The following SATB2 variants were observed in gnomAD, a reference collection of about 807,000 sequenced individuals.
SATB2 encodes SATB homeobox 2.
SATB2 carries 1 observed loss-of-function variant against 73.4 expected under a neutral mutation model. The ratio of observed to expected loss-of-function variants is 0.01; its 90% confidence interval spans 0.00 to 0.06. The LOEUF (loss-of-function observed/expected upper bound fraction) is 0.06, where lower values mean the gene tolerates loss of function less well. Ranked by LOEUF, SATB2 falls within the 10% of genes least tolerant of loss-of-function variation. SATB2 has a pLI of 1.00. For missense variants in SATB2, 459 were observed against 945.8 expected, an observed-to-expected ratio of 0.49 and a Z score of 6.75; for synonymous variants, 397 against 367.0, an observed-to-expected ratio of 1.08 and a Z score of -0.93.
chr2:199,349,912 A>C (rs867128920), intron 6 of SATB2, among the ~76,000 whole-genome samples: 12 of 152,162 alleles, frequency 7.9e-5, no homozygotes, highest in Non-Finnish European at 4.4e-5. Context: ...AAAAGTAAGT[A>C]TCATATATAT....
At chr2:199,442,812 T>C (rs1691857725) in intron 2 of SATB2, among the ~76,000 whole-genome samples, 1 of 152,124 alleles carries the variant, frequency 6.6e-6, no homozygotes, top group South Asian at 2.1e-4. Flanking sequence ...AGTTTGAATA[T>C]AACAGAAAAG....
At chr2:199,443,794 T>C (rs1476361560) in intron 2 of SATB2, among the ~76,000 whole-genome samples, 1 of 151,704 alleles carries the variant, frequency 6.6e-6, no homozygotes, top group Non-Finnish European at 1.5e-5. Flanking sequence ...ACCAAGCTGG[T>C]GAAAGGGCTA....
intron 7 of SATB2, among the ~76,000 whole-genome samples, chr2:199,344,349 T>C (rs1688590664): frequency 6.6e-6 from 1 of 152,096 alleles, no homozygotes; most frequent in Non-Finnish European, 1.5e-5. Context: ...TGCAACAGAC[T>C]TTCTCAAAAG....
intron 3 of SATB2, among the ~76,000 whole-genome samples, chr2:199,383,588 T>TG (rs993414364): frequency 2.0e-5 from 3 of 151,992 alleles, no homozygotes; most frequent in Non-Finnish European, 2.9e-5. Context: ...TATGACAGAA[T>TG]GGGGGGGAAT....
intron 2 of SATB2, among the ~76,000 whole-genome samples, chr2:199,446,591 T>C (rs922467506): frequency 6.6e-6 from 1 of 152,188 alleles, no homozygotes; most frequent in East Asian, 1.9e-4. Context: ...GTTTAAATTA[T>C]AAAGTCCAGA....
chr2:199,327,232 G>C (rs1688054539), intron 8 of SATB2, among the ~76,000 whole-genome samples: 1 of 152,148 alleles, frequency 6.6e-6, no homozygotes, highest in South Asian at 2.1e-4. Flanking sequence ...TTGAGGTCAG[G>C]AGTTCGAGAC....
chr2:199,282,363 TA>T (rs201811342), intron 10 of SATB2, among the ~76,000 whole-genome samples: 32 of 151,864 alleles, frequency 2.1e-4, no homozygotes, highest in African/African-American at 6.8e-4. Flanking sequence ...CTTTTCTGTG[TA>T]AAAAAAAATT....
chr2:199,305,805 T>C (rs753037142), intron 10 of SATB2, among the ~76,000 whole-genome samples: 1 of 152,154 alleles, frequency 6.6e-6, no homozygotes, highest in Non-Finnish European at 1.5e-5. Context: ...CTTTACCATA[T>C]ATGAAAAATT....
intron 10 of SATB2, among the ~76,000 whole-genome samples, chr2:199,282,855 T>A (rs1692567749): frequency 6.6e-6 from 1 of 152,190 alleles, no homozygotes; most frequent in African/African-American, 2.4e-5. Context: ...TCTTTGTACT[T>A]AAAATGGCAC....
chr2:199,290,422 T>C lies in SATB2; in HGVS notation c.1741-17750A>G, dbSNP rs552307617. On this transcript the variant is annotated intron_variant, in intron 10 of 10. Coordinates refer to ENST00000417098, the MANE Select transcript of SATB2 (RefSeq NM_001172509.2). ...CAAGGCACTGTGCTTTGAATGAATA[T>C]ATACGTCTACACAGGCAATAGCCAT... 1.1e-3 allele frequency among the ~76,000 whole-genome samples: 160 copies of C among 152,274 alleles called. 1 individual carries two copies. Among genetic ancestry groups the C allele is most frequent in the Middle Eastern group, 3.4e-3 (1 of 294 alleles).
intron 6 of SATB2, among the ~76,000 whole-genome samples, chr2:199,365,871 T>C (rs949746768): frequency 6.6e-6 from 1 of 152,156 alleles, no homozygotes; most frequent in African/African-American, 2.4e-5. Flanking sequence ...ATCATTATTT[T>C]ACCGTTTATT....
chr2:199,276,429 C>T (rs183594355), intron 10 of SATB2, among the ~76,000 whole-genome samples: 148 of 152,214 alleles, frequency 9.7e-4, no homozygotes, highest in African/African-American at 3.2e-3. Flanking sequence ...TGAACTAGAA[C>T]GAATCAAATT....
intron 3 of SATB2, among the ~76,000 whole-genome samples, chr2:199,406,850 ATATTCG>A (rs1690643913): frequency 6.6e-6 from 1 of 152,240 alleles, no homozygotes; most frequent in Non-Finnish European, 1.5e-5. Context: ...AGCTGTGGAA[ATATTCG>A]TATGATCACA....
chr2:199,451,804 C>G (rs2105951821), intron 2 of SATB2, among the ~76,000 whole-genome samples: 1 of 152,184 alleles, frequency 6.6e-6, no homozygotes, highest in East Asian at 1.9e-4. Context: ...GACTAACAAT[C>G]TTGATCACAT....
At position 199,463,164 on chromosome 2, in the gene SATB2, C is replaced by A. The variant is rs1692518042; in HGVS notation, c.-141+1672G>T. Among the ~76,000 whole-genome samples, 1 of 152,174 alleles carries A rather than the reference C, an allele frequency of 6.6e-6. No homozygotes were observed. Among genetic ancestry groups the A allele is most frequent in the Non-Finnish European group, 1.5e-5 (1 of 68,020 alleles). On this transcript the variant is annotated intron_variant, in intron 1 of 11. Transcript: ENST00000260926. The surrounding 1 kb of genome is among the most constrained non-coding windows in gnomAD (Gnocchi z 6.4). Reference sequence around the variant, plus strand: ...CACCCTACCACACCAGGCAACGCCCCCCGGGGCGCCCTTCATTCTTTTGCA... The same window carrying A: ...CACCCTACCACACCAGGCAACGCCCACCGGGGCGCCCTTCATTCTTTTGCA...
At chr2:199,394,828 C>T (rs1393987473) in intron 3 of SATB2, among the ~76,000 whole-genome samples, 1 of 151,964 alleles carries the variant, frequency 6.6e-6, no homozygotes, top group Non-Finnish European at 1.5e-5. Flanking sequence ...CTTAAAATAA[C>T]TTAAGTGGTG....
chr2:199,326,960 AAG>A (rs1688045332), intron 8 of SATB2, among the ~76,000 whole-genome samples: 1 of 152,210 alleles, frequency 6.6e-6, no homozygotes, highest in Non-Finnish European at 1.5e-5. Flanking sequence ...AAAATATAAA[AAG>A]AGTTAAAATG....
At chr2:199,467,008 A>G (rs561608834), upstream of SATB2, among the ~76,000 whole-genome samples, 4 of 152,368 alleles carry the variant, frequency 2.6e-5, no homozygotes, top group East Asian at 7.7e-4. Flanking sequence ...AGATAGAATC[A>G]CATCTTACAC....
chr2:199,405,794 A>G (rs1690614516), intron 3 of SATB2, among the ~76,000 whole-genome samples: 1 of 152,074 alleles, frequency 6.6e-6, no homozygotes, highest in Non-Finnish European at 1.5e-5. Context: ...AAAGAAAAAA[A>G]AAAGAAATAA....
Sources: allele counts gnomAD v4.1 joint callset (sites outside exome capture counted in the v4.1 genomes callset), GRCh38; gene constraint gnomAD v4.1.1; non-coding constraint Gnocchi (gnomAD v3.1); transcripts MANE v1.5; gene names NCBI Gene and HGNC (gene_info 2026-07-23, HGNC 2026-07-21).